ADGRG6: variants seen among roughly 807,000 people sequenced by gnomAD.
ADGRG6 encodes the protein adhesion G protein-coupled receptor G6, also known as G-protein coupled receptor 126.
In ADGRG6, 84 loss-of-function variants were observed where a neutral mutation model predicts 142.4. That is an observed-to-expected ratio of 0.59 (90% CI 0.49 to 0.71). The LOEUF (loss-of-function observed/expected upper bound fraction) is 0.71, where lower values mean the gene tolerates loss of function less well. ADGRG6 is among the 30% of genes least tolerant of loss of function. The probability of loss-of-function intolerance (pLI) is 0.00; values close to 1 mark genes in which losing one functional copy is unlikely to be tolerated. For synonymous variants in ADGRG6, 521 were observed against 520.5 expected (o/e 1.00, Z -0.01); for missense variants, 1,367 against 1,466.6 (o/e 0.93, Z 1.11).
At chr6:142,427,247 T>C (rs1276922548) in intron 22 of ADGRG6, among the ~76,000 whole-genome samples, 1 of 152,202 alleles carries the variant, frequency 6.6e-6, no homozygotes, top group African/African-American at 2.4e-5. Context: ...AGGTCATCTG[T>C]TGAATGTTTT....
chr6:142,349,025 A>T (rs116428820), intron 2 of ADGRG6, among the ~76,000 whole-genome samples: 1,725 of 152,360 alleles, frequency 0.011, 13 homozygotes, highest in Middle Eastern at 0.078. Context: ...ATTTTAAAGC[A>T]TTAATGCTGA....
chr6:142,361,673 G>A (rs551092784), intron 2 of ADGRG6, among the ~76,000 whole-genome samples: 4 of 152,252 alleles, frequency 2.6e-5, no homozygotes, highest in African/African-American at 4.8e-5. Context: ...AAGAAGGTCC[G>A]CAGCTGGATT....
intron 22 of ADGRG6, among the ~76,000 whole-genome samples, chr6:142,427,819 A>G (rs954046486): frequency 6.6e-6 from 1 of 152,176 alleles, no homozygotes; most frequent in Non-Finnish European, 1.5e-5. Context: ...GCTTGTAAAG[A>G]AAAACTCCCA....
chr6:142,303,076 A>G (rs1777307427), intron 1 of ADGRG6, among the ~76,000 whole-genome samples: 1 of 152,206 alleles, frequency 6.6e-6, no homozygotes. Context: ...CAGAATGGGA[A>G]AAGGAAGATT....
intron 18 of ADGRG6, 58 bp downstream of exon 18, chr6:142,411,469 C>T (rs1410019748): frequency 1.2e-6 from 1 of 833,216 alleles, no homozygotes; most frequent in Non-Finnish European, 2.1e-6. Flanking sequence ...TGGCATACTC[C>T]TTTTTTGTAT....
intron 21 of ADGRG6, 113 bp downstream of exon 21, chr6:142,417,482 CA>C (rs1274386756): frequency 1.6e-6 from 1 of 623,898 alleles, no homozygotes; most frequent in Non-Finnish European, 2.9e-6. Context: ...TGTTTATTCA[CA>C]TGACTGCCAA....
intron 22 of ADGRG6, among the ~76,000 whole-genome samples, chr6:142,423,601 T>C (rs1279579899): frequency 6.9e-6 from 1 of 144,584 alleles, no homozygotes; most frequent in South Asian, 2.3e-4. Flanking sequence ...AGTCAGGTAG[T>C]GTGATGCCTC....
At chr6:142,423,700 T>C (rs1776783806) in intron 22 of ADGRG6, among the ~76,000 whole-genome samples, 2 of 118,176 alleles carry the variant, frequency 1.7e-5, no homozygotes, top group Admixed American at 9.1e-5. Flanking sequence ...TTTCCAATTC[T>C]GTGAAGAAAG....
chr6:142,390,220 C>T, intron 6 of ADGRG6, 38 bp from the exon 7 acceptor site: 2 of 972,600 alleles, frequency 2.1e-6, no homozygotes, highest in Non-Finnish European at 3.2e-6. Flanking sequence ...TAACTATAAA[C>T]ATATAATTAA....
intron 2 of ADGRG6, among the ~76,000 whole-genome samples, chr6:142,322,242 A>G (rs999008585): frequency 6.6e-6 from 1 of 151,578 alleles, no homozygotes; most frequent in Non-Finnish European, 1.5e-5. Context: ...TCCACAAATA[A>G]TAAAAATATT....
At chr6:142,368,973 C>T (rs1450010296) in intron 3 of ADGRG6, among the ~76,000 whole-genome samples, 3 of 152,070 alleles carry the variant, frequency 2.0e-5, no homozygotes, top group Non-Finnish European at 4.4e-5. Context: ...TGTCTCTTTG[C>T]ATAAGTGAAC....
At chr6:142,334,664 T>A (rs7741741) in intron 2 of ADGRG6, among the ~76,000 whole-genome samples, 61,555 of 151,992 alleles carry the variant, frequency 0.4, 14,579 homozygotes, top group African/African-American at 0.67. Flanking sequence ...CAATCAAGGG[T>A]CTCTAGCATG....
chr6:142,409,492 G>A (rs1397756223), intron 16 of ADGRG6, among the ~76,000 whole-genome samples: 1 of 152,012 alleles, frequency 6.6e-6, no homozygotes, highest in East Asian at 1.9e-4. Context: ...ATATCTTGTC[G>A]AGTCCTTGTT....
intron 2 of ADGRG6, among the ~76,000 whole-genome samples, chr6:142,311,367 C>T (rs1363781619): frequency 6.6e-6 from 1 of 151,810 alleles, no homozygotes; most frequent in African/African-American, 2.4e-5. Context: ...ATACCTATAT[C>T]ACTCTAATAA....
chr6:142,434,856 C>A (rs960707139), intron 22 of ADGRG6, among the ~76,000 whole-genome samples: 10 of 151,972 alleles, frequency 6.6e-5, no homozygotes, highest in African/African-American at 1.9e-4. Flanking sequence ...TGATCAGGAC[C>A]CATCATGTAG....
At chr6:142,349,592 A>C (rs1217469375) in intron 2 of ADGRG6, among the ~76,000 whole-genome samples, 5 of 152,216 alleles carry the variant, frequency 3.3e-5, no homozygotes, top group African/African-American at 9.6e-5. Context: ...TGAGAGAATG[A>C]GTACAGTGTC....
At chr6:142,437,246 C>T (rs1777527265) in intron 22 of ADGRG6, among the ~76,000 whole-genome samples, 188 bp from the exon 23 acceptor site, 2 of 152,068 alleles carry the variant, frequency 1.3e-5, no homozygotes, top group South Asian at 2.1e-4. Context: ...TTTATCAGAG[C>T]CTTTGTGTTC....
intron 6 of ADGRG6, among the ~76,000 whole-genome samples, chr6:142,389,678 A>G (rs955517329): frequency 9.2e-5 from 14 of 151,946 alleles, no homozygotes; most frequent in Admixed American, 9.2e-4. Context: ...ATTTTGGTAT[A>G]AATGAGCATA....
At chr6:142,306,514 T>C (rs9403377) in intron 1 of ADGRG6, among the ~76,000 whole-genome samples, 14,886 of 152,110 alleles carry the variant, frequency 0.098, 1,586 homozygotes, top group East Asian at 0.62. Flanking sequence ...CTTGGGCAAG[T>C]AGTTTAGTAT....
Sources: gnomAD v4.1 joint callset for allele counts (sites outside exome capture counted in the v4.1 genomes callset) on GRCh38, gnomAD v4.1.1 for gene constraint, MANE v1.5 for transcripts, NCBI Gene and HGNC (gene_info 2026-07-23, HGNC 2026-07-21) for gene names.